TUB: variants seen among roughly 807,000 people sequenced by gnomAD.
The protein encoded by TUB is TUB bipartite transcription factor, also known as tubby protein homolog.
A neutral mutation model predicts 59.7 loss-of-function variants in TUB; 33 were observed. That is an observed-to-expected ratio of 0.55 (90% CI 0.42 to 0.74). The LOEUF (loss-of-function observed/expected upper bound fraction) is 0.74. Ranked by LOEUF, TUB falls within the 30% of genes least tolerant of loss-of-function variation. The pLI, the probability that TUB is intolerant of heterozygous loss-of-function variation, is 0.00. For synonymous variants in TUB, 293 were observed against 256.4 expected, an observed-to-expected ratio of 1.14 and a Z score of -1.36; for missense variants, 659 against 672.0, an observed-to-expected ratio of 0.98 and a Z score of 0.21.
chr11:8,067,497 G>A (rs952633442), intron 2 of TUB: 2 of 152,210 alleles, frequency 1.3e-5, no homozygotes, highest in Admixed American at 6.5e-5. Context: ...TTTAATAAAT[G>A]TTAGCTACTG....
chr11:8,095,902 C>T (rs1338425649), intron 5 of TUB, among the ~76,000 whole-genome samples: 1 of 152,216 alleles, frequency 6.6e-6, no homozygotes, highest in Non-Finnish European at 1.5e-5. Context: ...AGAAAAAGCT[C>T]CTTTTGCAAG....
intron 1 of TUB, among the ~76,000 whole-genome samples, chr11:8,032,685 CCCG>C (rs1942592392): frequency 8.6e-6 from 1 of 116,272 alleles, no homozygotes; most frequent in Non-Finnish European, 2.1e-5. Flanking sequence ...CTTTGCACCT[CCCG>C]CACATCTGGC....
intron 1 of TUB, among the ~76,000 whole-genome samples, chr11:8,028,855 T>C (rs1942533796): frequency 6.6e-6 from 1 of 152,082 alleles, no homozygotes; most frequent in African/African-American, 2.4e-5. Context: ...ATAAAATTTA[T>C]TTTTTAATTA....
intron 1 of TUB, chr11:8,039,055 C>T: frequency 6.2e-7 from 1 of 1,607,982 alleles, no homozygotes; most frequent in South Asian, 1.1e-5. Flanking sequence ...CTGCCTTTAG[C>T]CCATGGGCCC....
Position 8,101,685 on chromosome 11 carries a change from C to T in TUB, c.*66C>T. 1.3e-6 allele frequency: 2 copies of T among 1,583,396 alleles called. No individual in the cohort carries two copies. Among genetic ancestry groups the T allele is most frequent in the East Asian group, 2.3e-5 (1 of 43,734 alleles). On this transcript the variant is annotated 3_prime_UTR_variant, in exon 12 of 12. Transcript: ENST00000299506. ...GAGCTTGCCTGCCTGCCTGTGGAGA[C>T]AGCCCTGCCTATCCTCTGTATATAG...
intron 2 of TUB, among the ~76,000 whole-genome samples, chr11:8,044,650 A>G (rs1324850890): frequency 6.6e-6 from 1 of 152,224 alleles, no homozygotes; most frequent in African/African-American, 2.4e-5. Context: ...ACTAATTATT[A>G]TAACTGAAGT....
chr11:8,091,990 G>GGGCCCTGCCAA (rs1422411624), intron 3 of TUB, among the ~76,000 whole-genome samples: 1 of 152,270 alleles, frequency 6.6e-6, no homozygotes, highest in Non-Finnish European at 1.5e-5. Context: ...CCAGGATTGT[G>GGGCCCTGCCAA]GGCCCTGCCA....
At chr11:8,057,795 G>A (rs1943043423) in intron 2 of TUB, among the ~76,000 whole-genome samples, 1 of 151,848 alleles carries the variant, frequency 6.6e-6, no homozygotes, top group Non-Finnish European at 1.5e-5. Flanking sequence ...ATGCTTTAAG[G>A]CCCAGGAAAG....
intron 1 of TUB, among the ~76,000 whole-genome samples, chr11:8,087,566 C>T (rs1300523030): frequency 2.0e-5 from 3 of 152,242 alleles, no homozygotes; most frequent in Admixed American, 2.0e-4. Flanking sequence ...GGATTCCAGA[C>T]CCTGTTGCTC....
chr11:8,027,280 C>A (rs1942512767), intron 1 of TUB, among the ~76,000 whole-genome samples: 2 of 152,318 alleles, frequency 1.3e-5, no homozygotes, highest in South Asian at 2.1e-4. Context: ...TAATTCATCA[C>A]CATCCTGGCC....
At chr11:8,098,908 A>C (rs954986751) in intron 9 of TUB, 33 bp downstream of exon 9, 22 of 1,490,176 alleles carry the variant, frequency 1.5e-5, no homozygotes, top group Non-Finnish European at 2.0e-5. Context: ...TCTGATTTCC[A>C]AGGTAGATAT....
exon 1 of TUB, chr11:8,019,357 A>C: frequency 4.0e-6 from 5 of 1,261,510 alleles, no homozygotes; most frequent in Non-Finnish European, 5.0e-6. Flanking sequence ...GAGCTATGAC[A>C]GGTAGGGCGC....
At chr11:8,044,556 G>A (rs960015609) in intron 2 of TUB, among the ~76,000 whole-genome samples, 2 of 152,190 alleles carry the variant, frequency 1.3e-5, no homozygotes, top group African/African-American at 4.8e-5. Flanking sequence ...AACACTAAAT[G>A]TGTGGTTTCT....
Position 8,067,230 on chromosome 11 carries a change from G to A in TUB, c.204-22380G>A, listed in dbSNP as rs149876656. Among the ~76,000 whole-genome samples, 310 of 152,322 alleles carry A rather than the reference G, an allele frequency of 2.0e-3. 2 individuals carry two copies. Among genetic ancestry groups the A allele is most frequent in the African/African-American group, 7.1e-3 (296 of 41,568 alleles). On this transcript the variant is annotated intron_variant, in intron 2 of 12. Coordinates refer to the TUB transcript ENST00000305253. The stretch of plus-strand genomic sequence containing the variant: ...TACTGCGCATATGAGAGCCGGCACA[G>A]GGCATTGTTGCTCCCCGTTTCCTTT...
At chr11:8,021,476 TAAAAA>T (rs1942426374) in intron 1 of TUB, among the ~76,000 whole-genome samples, 1 of 150,836 alleles carries the variant, frequency 6.6e-6, no homozygotes, top group African/African-American at 2.4e-5. Flanking sequence ...TCTCAAAAAA[TAAAAA>T]TAAATAAATG....
intron 2 of TUB, among the ~76,000 whole-genome samples, chr11:8,070,679 A>C (rs917298006): frequency 3.3e-5 from 5 of 152,240 alleles, no homozygotes; most frequent in African/African-American, 2.4e-5. Flanking sequence ...CCACTGAACC[A>C]TAACTTCAGT....
At position 8,100,847 on chromosome 11, in the gene TUB, C is replaced by T. The variant is rs146835743; in HGVS notation, c.1237C>T (p.Arg413Cys). 1.0e-4 allele frequency: 167 copies of T among 1,613,992 alleles called. No individual in the cohort carries two copies. Among genetic ancestry groups the T allele is most frequent in the Middle Eastern group, 1.6e-4 (1 of 6,074 alleles). The change falls in exon 11 of 12, where the codon CGC (arginine) becomes TGC (cysteine). Residue 413 changes from arginine to cysteine, a missense_variant. Physicochemically the swap from Arg to Cys is radical, Grantham distance 180. Transcript: ENST00000299506. Reference protein sequence around the residue: ...PRNEHETLLARWQNKNTESII... With the variant: ...PRNEHETLLACWQNKNTESII... ...CCAGGAGCATGAGACACTGCTAGCA[C>T]GCTGGCAGAATAAGAACACGGAGAG...
chr11:8,063,530 C>T (rs1943173662), intron 2 of TUB, among the ~76,000 whole-genome samples: 1 of 152,184 alleles, frequency 6.6e-6, no homozygotes, highest in African/African-American at 2.4e-5. Flanking sequence ...CCCCAGACTG[C>T]ACATGTCCAC....
In TUB at chr11:8,090,180, G is replaced by A. The variant is rs1564917173; in HGVS notation, c.202G>A (p.Ala68Thr). 4 of 1,613,746 alleles carry A rather than the reference G, an allele frequency of 2.5e-6. No homozygotes were observed. The highest frequency in any genetic ancestry group is 3.4e-6 in the Non-Finnish European group (4 of 1,179,972). Reference protein sequence around the residue: ...SRRARQSEEQAPLVESYLSSS... With the variant: ...SRRARQSEEQTPLVESYLSSS... ...GCGGGCCCGGCAGTCAGAGGAACAAGCCCCCCTGGTGGAGTCCTACCTCAG... is the reference window on the plus strand; with the variant it reads ...GCGGGCCCGGCAGTCAGAGGAACAAACCCCCCTGGTGGAGTCCTACCTCAG... The change falls in exon 3 of 12, where the codon GCC (alanine) becomes ACC (threonine). Residue 68 changes from alanine (A) to threonine (T), a missense_variant. Transcript: ENST00000299506.
Sources: allele counts gnomAD v4.1 joint callset (sites outside exome capture counted in the v4.1 genomes callset), GRCh38; gene constraint gnomAD v4.1.1; transcripts MANE v1.5; gene names NCBI Gene and HGNC (gene_info 2026-07-23, HGNC 2026-07-21).